The following C19orf44 variants were observed in gnomAD, a reference collection of about 807,000 sequenced individuals.
C19orf44 encodes the protein chromosome 19 open reading frame 44, also known as uncharacterized protein C19orf44.
Under a neutral mutation model 50.7 loss-of-function variants are expected in C19orf44, and 43 were observed. The ratio of observed to expected loss-of-function variants is 0.85; its 90% CI spans 0.66 to 1.09. The LOEUF (loss-of-function observed/expected upper bound fraction) is 1.09, where lower values mean the gene tolerates loss of function less well. Among genes scored for constraint, C19orf44 ranks in the 50% least tolerant of loss-of-function variants. The pLI is 0.00. For missense variants in C19orf44, 722 were observed against 836.2 expected, an observed-to-expected ratio of 0.86 and a Z score of 1.68; for synonymous variants, 298 against 334.7, an observed-to-expected ratio of 0.89 and a Z score of 1.20.
Position 16,520,694 on chromosome 19 carries a change from T to C in C19orf44, c.*641T>C. On this transcript the variant is annotated 3_prime_UTR_variant, in exon 9 of 9. Coordinates refer to ENST00000221671, the MANE Select transcript of C19orf44 (RefSeq NM_032207.4). This position sits in a 1 kb window ranked among gnomAD's most constrained non-coding sequence, Gnocchi z 4.0. ...GCCTGCTGCTGTGTGAATTCAGGCC[T>C]TGTGGAAAACACCGCCCCATAGGCA... is the stretch of plus-strand genomic sequence containing the variant. The C allele has an allele frequency of 8.6e-7, 1 of 1,169,100 alleles. No homozygotes were observed. The highest frequency in any genetic ancestry group is 1.8e-5 in the Admixed American group (1 of 55,368). 72.4% of individuals were successfully genotyped at this position (1,169,100 alleles called of 1,614,324 possible). A position where few individuals can be genotyped will look rare whatever the true frequency, so the allele number is the denominator to read the frequency against.
intron 7 of C19orf44, 65 bp from the exon 8 acceptor site, chr19:16,517,165 G>A (rs375983757): frequency 2.7e-6 from 4 of 1,477,532 alleles, no homozygotes; most frequent in Non-Finnish European, 3.8e-6. Flanking sequence ...CCCTCCTCCA[G>A]CACCCTGTCT....
chr19:16,509,386 G>T, intron 4 of C19orf44, 113 bp from the exon 5 acceptor site: 2 of 1,379,656 alleles, frequency 1.4e-6, no homozygotes, highest in Non-Finnish European at 9.9e-7. Context: ...GACCTGGTGT[G>T]TCCCCTTGTC....
Position 16,503,454 on chromosome 19 carries a change from G to C in C19orf44, c.1075+74G>C. The C allele has an allele frequency of 2.1e-6, 3 of 1,435,052 alleles. No individual in the cohort carries two copies. In the South Asian group the frequency reaches 4.0e-5, roughly 19 times the overall value. The allele number at this position is 1,435,052 out of a possible 1,614,324, so 88.9% of individuals were successfully genotyped here. ...GGCCACCTTTAGAGTCCCTGACGCA[G>C]TGGTCATGGGGCATTGCCACAGGCA... On this transcript the variant is annotated intron_variant, in intron 3 of 8. Transcript: ENST00000221671.
rs1014007492 is a variant in C19orf44, at chr19:16,514,648, G to A, written c.1887G>A (p.Leu629=). The A allele has an allele frequency of 3.2e-6, 5 of 1,577,278 alleles. No individual in the cohort carries two copies. In the African/African-American group the frequency reaches 5.4e-5, roughly 17 times the overall value. The change falls in exon 7 of 9, where the codon CTG becomes CTA. Residue 629 remains leucine, a synonymous_variant. Transcript: ENST00000221671. The part of the protein sequence containing the change: ...LDADSFHYHT[L]EEAKEYIRCH... ...CGGACTCCTTCCACTACCACACCCT[G>A]GAGGAAGCCAAAGAGGTGAGCGCAG...
intron 5 of C19orf44, among the ~76,000 whole-genome samples, chr19:16,510,689 C>T (rs1442089992): frequency 5.3e-5 from 8 of 152,204 alleles, no homozygotes; most frequent in Non-Finnish European, 8.8e-5. Flanking sequence ...TGCCTTTGTC[C>T]TGGAGAATGA....
At chr19:16,518,940 G>A (rs948883574) in intron 8 of C19orf44, 14 of 569,750 alleles carry the variant, frequency 2.5e-5, no homozygotes, top group East Asian at 9.2e-5. Context: ...TGGCTGCAGC[G>A]CCTCCTGGTG....
At position 16,520,849 on chromosome 19, in the gene C19orf44, C is replaced by T. The variant is rs777399863; in HGVS notation, c.*796C>T. 1 of 1,613,944 alleles carries T rather than the reference C, an allele frequency of 6.2e-7. No individual in the cohort carries two copies. Among genetic ancestry groups the T allele is most frequent in the East Asian group, 2.2e-5 (1 of 44,882 alleles). On this transcript the variant is annotated 3_prime_UTR_variant, in exon 9 of 9. Transcript: ENST00000221671. This position sits in a 1 kb window ranked among gnomAD's most constrained non-coding sequence, Gnocchi z 4.0. ...ACCTGTTCCTCTTCTCCTGGCCTTT[C>T]CTCCGCCGGGCCCGCATTTTTGCTC...
rs780524358 is a variant in C19orf44 at position 16,519,131 on chromosome 19, C to T, written c.*41-963C>T. The stretch of plus-strand genomic sequence containing the variant: ...AAGGTCCCACAGCCGGCACCGCTGG[C>T]CACCGGCGCGGCTCCCGGCATGGGC... On this transcript the variant is annotated intron_variant, in intron 8 of 8. Transcript: ENST00000221671. The surrounding 1 kb of genome is among the most constrained non-coding windows in gnomAD (Gnocchi z 6.0). 5 of 1,598,880 alleles carry T rather than the reference C, an allele frequency of 3.1e-6. No individual in the cohort carries two copies. Among genetic ancestry groups the T allele is most frequent in the Non-Finnish European group, 4.3e-6 (5 of 1,173,156 alleles).
intron 4 of C19orf44, among the ~76,000 whole-genome samples, chr19:16,508,750 A>G (rs906851461): frequency 2.0e-5 from 3 of 152,126 alleles, no homozygotes; most frequent in Non-Finnish European, 4.4e-5. Flanking sequence ...TATGTCTCCC[A>G]GGCAGGTCTT....
Position 16,509,596 on chromosome 19 carries a change from G to A in C19orf44, c.1247G>A (p.Trp416Ter), listed in dbSNP as rs960168149. Residue 416 changes from tryptophan to a stop codon, truncating the protein, a stop_gained, in exon 5 of 9, where the codon TGG (tryptophan) becomes TAG (stop). Coordinates refer to ENST00000221671, the MANE Select transcript of C19orf44 (RefSeq NM_032207.4). LOFTEE classifies it high-confidence loss of function. ...DAPRQAQARSWASQGKAASAE... is the reference protein window; with the variant it reads ...DAPRQAQARS The stretch of plus-strand genomic sequence containing the variant: ...CCGAGGCAGGCCCAGGCGAGGAGCT[G>A]GGCATCACAGGGAAAGGCCGCCTCT... 6.2e-7 allele frequency: 1 copy of A among 1,614,182 alleles called. No homozygotes were observed. Among genetic ancestry groups the A allele is most frequent in the South Asian group, 1.1e-5 (1 of 91,084 alleles).
intron 7 of C19orf44, 146 bp downstream of exon 7, chr19:16,514,809 G>A: frequency 3.0e-6 from 3 of 1,008,418 alleles, no homozygotes; most frequent in Non-Finnish European, 2.7e-6. Context: ...ACCTGTCCCT[G>A]TGGAGGGAGC....
chr19:16,506,401 C>G (rs2093440723), intron 3 of C19orf44, among the ~76,000 whole-genome samples: 1 of 151,992 alleles, frequency 6.6e-6, no homozygotes, highest in Non-Finnish European at 1.5e-5. Context: ...CAAGACCAGC[C>G]TGGCCAAATG....
At position 16,501,524 on chromosome 19, in the gene C19orf44, C is replaced by G; in HGVS notation, c.732C>G (p.Ser244Arg). ...AAGGCTTCAGCAGCGCTAACGTCAGCGAGGAAGAAGAAAGAAAACTATTTT... is the reference window on the plus strand; with the variant it reads ...AAGGCTTCAGCAGCGCTAACGTCAGGGAGGAAGAAGAAAGAAAACTATTTT... ...TNQGFSSANV[S>R]EEEERKLFSV... The change falls in exon 2 of 9, where the codon AGC (serine) becomes AGG (arginine). Residue 244 changes from serine to arginine, a missense_variant. Physicochemically the swap from Ser to Arg is moderately radical, Grantham distance 110 (BLOSUM62 -1). Coordinates refer to ENST00000221671, the MANE Select transcript of C19orf44 (RefSeq NM_032207.4). 2.1e-6 allele frequency: 3 copies of G among 1,430,366 alleles called. No individual in the cohort carries two copies. The highest frequency in any genetic ancestry group is 2.8e-6 in the Non-Finnish European group (3 of 1,085,628). The allele number at this position is 1,430,366 out of a possible 1,614,324, so 88.6% of individuals were successfully genotyped here.
In C19orf44 at chr19:16,500,774, G is replaced by A; in HGVS notation, c.-1-18G>A. 1.3e-6 allele frequency: 2 copies of A among 1,544,456 alleles called. No individual in the cohort carries two copies. The highest frequency in any genetic ancestry group is 1.7e-6 in the Non-Finnish European group (2 of 1,149,374). ...ACAGCAGGTACTCTTATGCAAAATT[G>A]CTCCTCTTCCTCCACAGAATGGCTT... On this transcript the variant is annotated intron_variant, in intron 1 of 8. Transcript: ENST00000221671.
intron 7 of C19orf44, among the ~76,000 whole-genome samples, chr19:16,515,497 AC>A (rs2093468942): frequency 6.6e-6 from 1 of 151,904 alleles, no homozygotes; most frequent in South Asian, 2.1e-4. Flanking sequence ...ACTCCTTCAG[AC>A]TCTTGTATGA....
Position 16,503,361 on chromosome 19 carries a change from T to C in C19orf44, c.1056T>C (p.Gly352=). 6.2e-7 allele frequency: 1 copy of C among 1,610,738 alleles called. No homozygotes were observed. The highest frequency in any genetic ancestry group is 1.1e-5 in the South Asian group (1 of 91,022). ...CTGTGGACGAGCCAGTCTCAGAAGG[T>C]GCTGATGACAGCCTCGACGGTAATC... ...AETVDEPVSE[G]ADDSLDEFRI... is the part of the protein sequence containing the mutation. The change falls in exon 3 of 9, where the codon GGT becomes GGC. Residue 352 remains glycine, a synonymous_variant. Transcript: ENST00000221671.
In C19orf44 at chr19:16,519,727, A is replaced by G. The variant is rs373871349; in HGVS notation, c.*41-367A>G. 7.5e-6 allele frequency: 12 copies of G among 1,604,348 alleles called. No individual in the cohort carries two copies. The African/African-American group carries it at 1.6e-4, about 21-fold the overall frequency. ...GACCAGCAGAGGAACTAAAATCGAG[A>G]CAGGTTATTCTTTTTAAGAAGTAAC... is the stretch of plus-strand genomic sequence containing the variant. On this transcript the variant is annotated intron_variant, in intron 8 of 8. Transcript: ENST00000221671. The surrounding 1 kb of genome is among the most constrained non-coding windows in gnomAD (Gnocchi z 6.0).
chr19:16,507,540 T>G (rs2093443909), intron 4 of C19orf44, among the ~76,000 whole-genome samples: 1 of 150,348 alleles, frequency 6.7e-6, no homozygotes, highest in Non-Finnish European at 1.5e-5. Flanking sequence ...CCCCCAGGTT[T>G]GAGTGCAATG....
chr19:16,502,858 C>T (rs1345458564), intron 2 of C19orf44, among the ~76,000 whole-genome samples: 8 of 151,158 alleles, frequency 5.3e-5, no homozygotes, highest in Non-Finnish European at 1.5e-5. Flanking sequence ...GGTGTGGTGG[C>T]ACATACTTGT....
Sources: gnomAD v4.1 joint callset for allele counts (sites outside exome capture counted in the v4.1 genomes callset) on GRCh38, gnomAD v4.1.1 for gene constraint, Gnocchi (gnomAD v3.1) non-coding constraint, MANE v1.5 for transcripts, NCBI Gene and HGNC (gene_info 2026-07-23, HGNC 2026-07-21) for gene names.